The following ANKRD30BL variants were observed in gnomAD, a reference collection of about 807,000 sequenced individuals.
ANKRD30BL encodes the protein ankyrin repeat domain 30B like.
ANKRD30BL carries 20 observed loss-of-function variants against 18.4 expected under a neutral mutation model. That is an observed-to-expected ratio of 1.09 (90% CI 0.77 to 1.58). The LOEUF is 1.58. Among genes scored for constraint, ANKRD30BL ranks in the 40% most tolerant of loss-of-function variants. The pLI, the probability that ANKRD30BL is intolerant of heterozygous loss-of-function variation, is 0.00. For missense variants in ANKRD30BL, 224 were observed against 268.6 expected, an observed-to-expected ratio of 0.83 and a Z score of 1.16; for synonymous variants, 72 against 100.9, an observed-to-expected ratio of 0.71 and a Z score of 1.72.
At chr2:132,237,881 T>C (rs1430987526) in intron 1 of ANKRD30BL, among the ~76,000 whole-genome samples, 1 of 151,514 alleles carries the variant, frequency 6.6e-6, no homozygotes, top group African/African-American at 2.4e-5. Context: ...TGATAGAGAA[T>C]TTTTGAAACA....
intron 5 of ANKRD30BL, among the ~76,000 whole-genome samples, chr2:132,149,018 A>G (rs1210008518): frequency 6.6e-6 from 1 of 152,170 alleles, no homozygotes; most frequent in East Asian, 1.9e-4. Flanking sequence ...TTCAATAGAG[A>G]CAGCTCTATT....
intron 1 of ANKRD30BL, among the ~76,000 whole-genome samples, chr2:132,222,191 C>T (rs1301532791): frequency 2.8e-5 from 4 of 144,256 alleles, no homozygotes; most frequent in East Asian, 2.1e-4. Context: ...CCTGGCCAGC[C>T]GCCCCGTCCG....
At chr2:132,203,354 A>C (rs1679146547) in intron 1 of ANKRD30BL, among the ~76,000 whole-genome samples, 1 of 152,238 alleles carries the variant, frequency 6.6e-6, no homozygotes, top group African/African-American at 2.4e-5. Context: ...AAAAAAAGTG[A>C]CTTGTAACTT....
chr2:132,161,760 A>G lies in ANKRD30BL; in HGVS notation c.-55T>C, dbSNP rs1430413176. 3 of 795,058 alleles carry G rather than the reference A, an allele frequency of 3.8e-6. No homozygotes were observed. Among genetic ancestry groups the G allele is most frequent in the Non-Finnish European group, 6.3e-6 (3 of 472,816 alleles). 49.3% of individuals were successfully genotyped at this position (795,058 alleles called of 1,614,324 possible). A position where few individuals can be genotyped will look rare whatever the true frequency, so the allele number is the denominator to read the frequency against. ...TGCCTCCCGCTGCTCGCCCTTCCCC[A>G]GTCCCCGCCGCTCGCCCTCGCCCTT... On this transcript the variant is annotated 5_prime_UTR_variant, in exon 1 of 6. Coordinates refer to ENST00000409867, the MANE Select transcript of ANKRD30BL (RefSeq NM_001358416.1).
At chr2:132,234,208 G>C (rs1680092892) in intron 1 of ANKRD30BL, among the ~76,000 whole-genome samples, 1 of 152,068 alleles carries the variant, frequency 6.6e-6, no homozygotes, top group East Asian at 1.9e-4. Context: ...GAAATTTATA[G>C]CACTAAATGC....
chr2:132,200,973 T>C (rs1473863892), intron 1 of ANKRD30BL, among the ~76,000 whole-genome samples: 11 of 150,530 alleles, frequency 7.3e-5, no homozygotes, highest in Admixed American at 4.0e-4. Context: ...CAGAACAGAG[T>C]CCTCAGAAAT....
chr2:132,207,565 T>C (rs1169831517), intron 1 of ANKRD30BL, among the ~76,000 whole-genome samples: 2 of 152,156 alleles, frequency 1.3e-5, no homozygotes, highest in East Asian at 3.9e-4. Flanking sequence ...TTTTATTTAC[T>C]TGATGGATTT....
intron 1 of ANKRD30BL, among the ~76,000 whole-genome samples, chr2:132,239,280 G>T (rs543600850): frequency 2.0e-5 from 3 of 151,824 alleles, no homozygotes; most frequent in Non-Finnish European, 2.9e-5. Context: ...TGAGGATTTC[G>T]TTGGAAACGG....
intron 1 of ANKRD30BL, among the ~76,000 whole-genome samples, chr2:132,221,631 C>T (rs1240875889): frequency 1.7e-4 from 20 of 118,432 alleles, no homozygotes; most frequent in African/African-American, 4.6e-4. Flanking sequence ...CCGCCCAGTC[C>T]GGGAGGGAGG....
At chr2:132,216,572 T>C (rs78779838) in intron 1 of ANKRD30BL, among the ~76,000 whole-genome samples, 1 of 152,182 alleles carries the variant, frequency 6.6e-6, no homozygotes, top group African/African-American at 2.4e-5. Flanking sequence ...TTCTTCGTGA[T>C]GTGTGCAGTC....
At chr2:132,236,113 T>A (rs1009650962) in intron 1 of ANKRD30BL, among the ~76,000 whole-genome samples, 1 of 151,988 alleles carries the variant, frequency 6.6e-6, no homozygotes, top group African/African-American at 2.4e-5. Flanking sequence ...TAATAAATGG[T>A]GCTGGGAAAA....
chr2:132,215,677 T>C (rs914995564), intron 1 of ANKRD30BL, among the ~76,000 whole-genome samples: 1 of 151,530 alleles, frequency 6.6e-6, no homozygotes, highest in Non-Finnish European at 1.5e-5. Context: ...TTGAGGCCTA[T>C]GGTGGAAAAG....
At chr2:132,218,256 T>G (rs1679563411) in intron 1 of ANKRD30BL, among the ~76,000 whole-genome samples, 1 of 151,928 alleles carries the variant, frequency 6.6e-6, no homozygotes, top group African/African-American at 2.4e-5. Context: ...ATATTTGGTC[T>G]GCTTTGAGGC....
At chr2:132,192,851 G>A (rs1215395250) in intron 1 of ANKRD30BL, among the ~76,000 whole-genome samples, 1 of 152,208 alleles carries the variant, frequency 6.6e-6, no homozygotes, top group Non-Finnish European at 1.5e-5. Flanking sequence ...TAGCAGCACT[G>A]GGAACAGTGG....
intron 1 of ANKRD30BL, among the ~76,000 whole-genome samples, chr2:132,203,089 G>A (rs1410852365): frequency 6.6e-6 from 1 of 152,282 alleles, no homozygotes; most frequent in African/African-American, 2.4e-5. Context: ...TCTATTTTCG[G>A]TCAACCACAA....
At chr2:132,198,384 A>T (rs797004652) in intron 1 of ANKRD30BL, among the ~76,000 whole-genome samples, 1 of 130,378 alleles carries the variant, frequency 7.7e-6, no homozygotes, top group Non-Finnish European at 1.6e-5. Context: ...AGTGAAGTGG[A>T]GCGATCTCGG....
At chr2:132,238,134 A>T (rs184573098) in intron 1 of ANKRD30BL, among the ~76,000 whole-genome samples, 1 of 151,904 alleles carries the variant, frequency 6.6e-6, no homozygotes, top group East Asian at 1.9e-4. Context: ...AAATATCTTC[A>T]CATAAAAAGA....
chr2:132,239,757 CACT>C (rs2104793051), intron 1 of ANKRD30BL, among the ~76,000 whole-genome samples: 1 of 151,820 alleles, frequency 6.6e-6, no homozygotes, highest in African/African-American at 2.4e-5. Flanking sequence ...TTTGTAGTTT[CACT>C]AAGTGGACAT....
chr2:132,253,524 A>C (rs1680724341), intron 1 of ANKRD30BL, among the ~76,000 whole-genome samples: 2 of 152,120 alleles, frequency 1.3e-5, no homozygotes, highest in Non-Finnish European at 2.9e-5. Context: ...TCCCGCCCCC[A>C]CAGAGCGGGG....
Sources: gnomAD v4.1 joint callset for allele counts (sites outside exome capture counted in the v4.1 genomes callset) on GRCh38, gnomAD v4.1.1 for gene constraint, MANE v1.5 for transcripts, NCBI Gene and HGNC (gene_info 2026-07-23, HGNC 2026-07-21) for gene names.